Variants in PNCK observed in about 807,000 individuals in gnomAD.
PNCK encodes the protein pregnancy up-regulated nonubiquitous CaM kinase, also known as calcium/calmodulin-dependent protein kinase type 1B.
A neutral mutation model predicts 28.3 loss-of-function variants in PNCK; 21 were observed. The ratio of observed to expected loss-of-function variants is 0.74; its 90% CI spans 0.53 to 1.07. The LOEUF is 1.07. Among genes scored for constraint, PNCK ranks in the 50% least tolerant of loss-of-function variants. The pLI is 0.00. For synonymous variants in PNCK, 136 were observed against 125.2 expected, an observed-to-expected ratio of 1.09 and a Z score of -0.58; for missense variants, 250 against 298.3, an observed-to-expected ratio of 0.84 and a Z score of 1.19.
chrX:153,683,526 C>T lies in PNCK; in HGVS notation c.-3+3905G>A, dbSNP rs782656957. Among the ~76,000 whole-genome samples, 480 of 110,184 alleles carry T rather than the reference C, an allele frequency of 4.4e-3. 3 individuals are homozygous for T. The highest frequency in any genetic ancestry group is 0.014 in the African/African-American group (435 of 30,158). ...TGGCACAATCTTGGCTCACTGCAAC[C>T]TCCACCTCCCGGGTTCAAGCGATTT... On this transcript the variant is annotated intron_variant, in intron 1 of 3. Transcript: ENST00000419804.
intron 5 of PNCK, 22 bp downstream of exon 5, chrX:153,671,858 T>C (rs1280901185): frequency 8.3e-7 from 1 of 1,202,626 alleles, no homozygotes; most frequent in East Asian, 3.0e-5. Context: ...GAGGGTGGGG[T>C]GCAGAGGCCC....
chrX:153,669,912 C>A lies in PNCK; in HGVS notation c.*226G>T, dbSNP rs782733217. 94 of 338,800 alleles carry A rather than the reference C, an allele frequency of 2.8e-4. No homozygotes were observed. The highest frequency in any genetic ancestry group is 2.2e-3 in the African/African-American group (83 of 37,602). 27.9% of individuals were successfully genotyped at this position (338,800 alleles called of 1,213,427 possible). ...TTTGGCGGGGCGGGGGGGGCAGGGG[C>A]GGGAGAGGCAACAGGGGAGGGGAGC... On this transcript the variant is annotated 3_prime_UTR_variant, in exon 12 of 12. Transcript: ENST00000340888.
chrX:153,682,569 T>C lies in PNCK; in HGVS notation c.-3+4862A>G, dbSNP rs782111719. Among the ~76,000 whole-genome samples, 4 of 112,525 alleles carry C rather than the reference T, an allele frequency of 3.6e-5. 1 individual carries two copies. In the South Asian group the frequency reaches 1.5e-3, roughly 41 times the overall value. On this transcript the variant is annotated intron_variant, in intron 1 of 3. Coordinates refer to the PNCK transcript ENST00000419804. ...CTAAGCCATCATATCCCCTGTGACC[T>C]GCACATATACATCCAGATGGCCTGA...
chrX:153,684,183 G>T (rs1321928175), intron 1 of PNCK, among the ~76,000 whole-genome samples: 1 of 112,564 alleles, frequency 8.9e-6, no homozygotes, highest in Non-Finnish European at 1.9e-5. Flanking sequence ...GGTAAATGCA[G>T]ACAGGGTTGG....
intron 1 of PNCK, chrX:153,673,318 G>C (rs782190285): frequency 8.6e-7 from 1 of 1,161,288 alleles, no homozygotes. Flanking sequence ...GCACCCCGAA[G>C]GCGACCAGCG....
At chrX:153,674,229 C>T, upstream of PNCK, 1 of 1,159,700 alleles carries the variant, frequency 8.6e-7, no homozygotes, top group South Asian at 2.0e-5. Context: ...CCCTGGGCTC[C>T]CGGCACTCAC....
chrX:153,679,796 T>G (rs1344337540), upstream of PNCK, among the ~76,000 whole-genome samples: 4 of 110,472 alleles, frequency 3.6e-5, no homozygotes, highest in Non-Finnish European at 7.6e-5. Flanking sequence ...GGTCTCGAAC[T>G]CCTGACCTCA....
rs970460779 is a variant in PNCK at position 153,670,130 on chromosome X, C to T, written c.*8G>A. On this transcript the variant is annotated splice_region_variant and 3_prime_UTR_variant, in exon 12 of 12. Transcript: ENST00000340888. The stretch of plus-strand genomic sequence containing the variant: ...TCAGTCCACTTGGCCTCGGCATCTG[C>T]CTGAGAGGGAGAAGCAGAGGGAAAG... 5.2e-5 allele frequency: 18 copies of T among 343,812 alleles called. No homozygotes were observed. The highest frequency in any genetic ancestry group is 2.7e-4 in the Admixed American group (6 of 21,830). 28.3% of individuals were successfully genotyped at this position (343,812 alleles called of 1,213,427 possible).
At chrX:153,673,124 C>A in intron 1 of PNCK, 46 bp from the exon 2 acceptor site, 1 of 1,176,290 alleles carries the variant, frequency 8.5e-7, no homozygotes, top group Non-Finnish European at 1.1e-6. Context: ...CCCGCCCCGC[C>A]GGGGGCAAGG....
upstream of PNCK, among the ~76,000 whole-genome samples, chrX:153,675,482 GCA>G (rs1569538895): frequency 1.8e-5 from 2 of 110,625 alleles, no homozygotes; most frequent in African/African-American, 6.7e-5. Context: ...AAAGCTGATG[GCA>G]CAGTTTTTGT....
chrX:153,674,016 GC>G (rs2091348026), upstream of PNCK: 7 of 1,185,188 alleles, frequency 5.9e-6, no homozygotes, highest in African/African-American at 5.2e-5. Context: ...CGGAGCTGCG[GC>G]CCGGCTGGGC....
At chrX:153,687,319 C>T in intron 1 of PNCK, 4 of 302,215 alleles carry the variant, frequency 1.3e-5, no homozygotes, top group South Asian at 1.2e-4. Context: ...GGGTGGGGGC[C>T]GCCGGGGTCA....
chrX:153,683,451 G>GT (rs35149743), intron 1 of PNCK, among the ~76,000 whole-genome samples: 4 of 96,985 alleles, frequency 4.1e-5, no homozygotes, highest in Admixed American at 2.3e-4. Context: ...TGAAGGCTAG[G>GT]TTTTTTTTTT....
At chrX:153,685,154 C>T (rs1470753479) in intron 1 of PNCK, among the ~76,000 whole-genome samples, 3 of 107,630 alleles carry the variant, frequency 2.8e-5, no homozygotes, top group African/African-American at 1.0e-4. Context: ...CGGGGGACAG[C>T]TACCCGGCCC....
At chrX:153,672,297 C>G (rs1215164090) in intron 3 of PNCK, 97 bp from the exon 4 acceptor site, 14 of 941,637 alleles carry the variant, frequency 1.5e-5, no homozygotes, top group Non-Finnish European at 1.9e-5. Context: ...CTTCCTCCCA[C>G]CTCTGCTCCC....
At chrX:153,673,931 T>C, upstream of PNCK, 1 of 1,036,984 alleles carries the variant, frequency 9.6e-7, no homozygotes, top group African/African-American at 2.0e-5. Flanking sequence ...CAGGGCACCT[T>C]GTAAGGCAAT....
chrX:153,676,954 T>A (rs782329858), upstream of PNCK, among the ~76,000 whole-genome samples: 1 of 111,665 alleles, frequency 9.0e-6, no homozygotes, highest in South Asian at 3.8e-4. Flanking sequence ...AACAAACATT[T>A]CTAACATGGA....
chrX:153,681,694 AAC>A (rs2091396200), intron 1 of PNCK, among the ~76,000 whole-genome samples: 1 of 112,350 alleles, frequency 8.9e-6, no homozygotes, highest in African/African-American at 3.2e-5. Context: ...TTTAGATACT[AAC>A]AGTGTTGATT....
At chrX:153,677,695 ATAGT>A (rs1181241743), upstream of PNCK, among the ~76,000 whole-genome samples, 2 of 98,746 alleles carry the variant, frequency 2.0e-5, no homozygotes, top group South Asian at 4.4e-4. Flanking sequence ...TAGTGTATAT[ATAGT>A]GTGTGTATAT....
Sources: allele counts gnomAD v4.1 joint callset (sites outside exome capture counted in the v4.1 genomes callset), GRCh38; gene constraint gnomAD v4.1.1; transcripts MANE v1.5; gene names NCBI Gene and HGNC (gene_info 2026-07-23, HGNC 2026-07-21).